The following CAST variants were observed in gnomAD, a reference collection of about 807,000 sequenced individuals.
The protein encoded by CAST is calpastatin.
Under a neutral mutation model 119.6 loss-of-function variants are expected in CAST, and 76 were observed. The observed-to-expected ratio is 0.64, with a 90% CI of 0.53 to 0.77. CAST has a LOEUF of 0.77. Ranked by LOEUF, CAST falls within the 30% of genes least tolerant of loss-of-function variation. CAST has a pLI of 0.00. For missense variants in CAST, 953 were observed against 946.5 expected, an observed-to-expected ratio of 1.01 and a Z score of -0.09; for synonymous variants, 319 against 331.6, an observed-to-expected ratio of 0.96 and a Z score of 0.41.
the CAST span, among the ~76,000 whole-genome samples, chr5:96,023,402 G>T: frequency 9.8e-5 from 15 of 152,294 alleles, no homozygotes; most frequent in East Asian, 2.9e-3. Flanking sequence ...AGTTTGAAAC[G>T]TTGAGTAGGG....
At chr5:96,098,503 G>C in the CAST span, among the ~76,000 whole-genome samples, 1 of 152,132 alleles carries the variant, frequency 6.6e-6, no homozygotes, top group Non-Finnish European at 1.5e-5. Flanking sequence ...TTTTGTATGT[G>C]GTGTAAGGAA....
chr5:96,462,081 T>G, the CAST span, among the ~76,000 whole-genome samples: 2 of 152,134 alleles, frequency 1.3e-5, no homozygotes, highest in South Asian at 2.1e-4. Context: ...GTGAATGAAC[T>G]GTACCCATCC....
At chr5:96,666,601 A>G (rs1749369519) in intron 1 of CAST, among the ~76,000 whole-genome samples, 1 of 152,228 alleles carries the variant, frequency 6.6e-6, no homozygotes, top group Non-Finnish European at 1.5e-5. Flanking sequence ...AGGGCCTGCA[A>G]AAAGGGCATA....
the CAST span, among the ~76,000 whole-genome samples, chr5:96,069,385 A>ATG: frequency 0.04 from 3,801 of 96,028 alleles, 88 homozygotes; most frequent in East Asian, 0.13. Flanking sequence ...GTGTGTGTCT[A>ATG]TGTGTGTGTG....
At chr5:96,624,301 A>T (rs1747679022) in intron 1 of CAST, among the ~76,000 whole-genome samples, 1 of 152,324 alleles carries the variant, frequency 6.6e-6, no homozygotes, top group Admixed American at 6.5e-5. Context: ...GTGTTTCAAC[A>T]CGCTAAGCAC....
At chr5:96,735,955 T>A (rs1761542861) in intron 9 of CAST, among the ~76,000 whole-genome samples, 1 of 152,236 alleles carries the variant, frequency 6.6e-6, no homozygotes, top group Non-Finnish European at 1.5e-5. Flanking sequence ...GAAAGTGGCC[T>A]AATCTGAGCC....
chr5:96,009,826 TG>T, the CAST span, among the ~76,000 whole-genome samples: 1 of 152,216 alleles, frequency 6.6e-6, no homozygotes, highest in Non-Finnish European at 1.5e-5. Context: ...TTTTTGTTTT[TG>T]TTGCAATTGC....
At chr5:96,417,730 T>A in the CAST span, among the ~76,000 whole-genome samples, 1 of 152,208 alleles carries the variant, frequency 6.6e-6, no homozygotes, top group South Asian at 2.1e-4. Context: ...TGTTACTTAA[T>A]CTTTGAGTTA....
chr5:96,142,413 CA>C, the CAST span, among the ~76,000 whole-genome samples: 2 of 152,100 alleles, frequency 1.3e-5, no homozygotes, highest in Non-Finnish European at 2.9e-5. Context: ...GACTCCATCT[CA>C]AAAAAATTTT....
chr5:96,676,680 T>C (rs1248909077), intron 2 of CAST, among the ~76,000 whole-genome samples: 3 of 152,028 alleles, frequency 2.0e-5, no homozygotes, highest in African/African-American at 7.2e-5. Context: ...GATTTCATCC[T>C]GTTTCCTGAT....
chr5:96,199,585 GA>G, the CAST span, among the ~76,000 whole-genome samples: 1 of 149,576 alleles, frequency 6.7e-6, no homozygotes, highest in Non-Finnish European at 1.5e-5. Flanking sequence ...TTTTGTTCCA[GA>G]AAAAAAAATT....
chr5:96,723,750 T>C (rs1156910156), intron 4 of CAST, among the ~76,000 whole-genome samples: 1 of 152,248 alleles, frequency 6.6e-6, no homozygotes, highest in Non-Finnish European at 1.5e-5. Flanking sequence ...CAAAATTCTC[T>C]CAACTAATGT....
chr5:96,420,226 CAG>C, the CAST span, among the ~76,000 whole-genome samples: 55 of 152,270 alleles, frequency 3.6e-4, no homozygotes, highest in African/African-American at 1.2e-3. Flanking sequence ...GGAATAGAGG[CAG>C]AGAGAGGTAA....
the CAST span, among the ~76,000 whole-genome samples, chr5:96,377,891 AG>A: frequency 6.6e-6 from 1 of 152,214 alleles, no homozygotes; most frequent in Non-Finnish European, 1.5e-5. Context: ...ATAATAATCA[AG>A]ATATGTAAAC....
At chr5:96,129,089 A>G in the CAST span, among the ~76,000 whole-genome samples, 13 of 152,218 alleles carry the variant, frequency 8.5e-5, no homozygotes, top group Non-Finnish European at 1.3e-4. Flanking sequence ...AATAGAGACC[A>G]TGTCCATTTT....
At chr5:96,516,569 A>G in the CAST span, among the ~76,000 whole-genome samples, 1 of 151,952 alleles carries the variant, frequency 6.6e-6, no homozygotes, top group Non-Finnish European at 1.5e-5. Context: ...TGGCAGGATG[A>G]TGTGCCCTAA....
At chr5:96,732,092 G>C (rs151926) in intron 9 of CAST, among the ~76,000 whole-genome samples, 1 of 140,550 alleles carries the variant, frequency 7.1e-6, no homozygotes, top group East Asian at 2.2e-4. Context: ...ACTTCCACAA[G>C]GGTTGAACTA....
chr5:96,140,932 C>G, the CAST span, among the ~76,000 whole-genome samples: 1 of 152,176 alleles, frequency 6.6e-6, no homozygotes, highest in Non-Finnish European at 1.5e-5. Flanking sequence ...CACCATTACA[C>G]TGTGTCTTTT....
At chr5:96,536,589 G>C (rs1411267820) in intron 1 of CAST, among the ~76,000 whole-genome samples, 1 of 152,144 alleles carries the variant, frequency 6.6e-6, no homozygotes, top group African/African-American at 2.4e-5. Flanking sequence ...AAAAGAGTAA[G>C]GTACAGGTAT....
Sources: gnomAD v4.1 joint callset for allele counts (sites outside exome capture counted in the v4.1 genomes callset) on GRCh38, gnomAD v4.1.1 for gene constraint, MANE v1.5 for transcripts, NCBI Gene and HGNC (gene_info 2026-07-23, HGNC 2026-07-21) for gene names.